The following EPHA5 variants were observed in gnomAD, a reference collection of about 807,000 sequenced individuals.
EPHA5 encodes the protein EPH receptor A5.
In EPHA5, 60 loss-of-function variants were observed where a neutral mutation model predicts 105.0. The ratio of observed to expected loss-of-function variants is 0.57; its 90% CI spans 0.46 to 0.71. The LOEUF (loss-of-function observed/expected upper bound fraction) is 0.71, where lower values mean the gene tolerates loss of function less well. Ranked by LOEUF, EPHA5 falls within the 30% of genes least tolerant of loss-of-function variation. The pLI, the probability that EPHA5 is intolerant of heterozygous loss-of-function variation, is 0.00. For synonymous variants in EPHA5, 513 were observed against 449.1 expected (o/e 1.14, Z -1.80); for missense variants, 1,218 against 1,274.7 (o/e 0.96, Z 0.68).
chr4:65,375,880 G>A (rs759427191), intron 8 of EPHA5, among the ~76,000 whole-genome samples: 6 of 151,532 alleles, frequency 4.0e-5, no homozygotes, highest in Non-Finnish European at 7.4e-5. Flanking sequence ...TGACACTGAA[G>A]CCCCATGCTC....
At chr4:65,609,609 TA>T (rs1464424380) in intron 2 of EPHA5, among the ~76,000 whole-genome samples, 1 of 85,106 alleles carries the variant, frequency 1.2e-5, no homozygotes, top group African/African-American at 3.1e-5. Flanking sequence ...GCAAGCTAGA[TA>T]TTTTTTTTTC....
At chr4:65,534,125 T>C (rs942323634) in intron 3 of EPHA5, among the ~76,000 whole-genome samples, 1 of 152,178 alleles carries the variant, frequency 6.6e-6, no homozygotes, top group Non-Finnish European at 1.5e-5. Context: ...CTGGACAATG[T>C]ATGAATGGCT....
At position 65,490,653 on chromosome 4, in the gene EPHA5, C is replaced by T. The variant is rs2149214198; in HGVS notation, c.1126G>A (p.Glu376Lys). 3.7e-6 allele frequency: 6 copies of T among 1,614,070 alleles called. No individual in the cohort carries two copies. The highest frequency in any genetic ancestry group is 5.1e-6 in the Non-Finnish European group (6 of 1,180,010). The change falls in exon 5 of 17, where the codon GAA (glutamate) becomes AAA (lysine). Residue 376 changes from glutamate (E) to lysine (K), a missense_variant. Transcript: ENST00000613740. ...SNVNETSVFL[E>K]WIPPADTGGR... The stretch of plus-strand genomic sequence containing the variant: ...CCAGTGTCAGCAGGCGGAATCCATT[C>T]CAGAAAGACACTAGTTTCATTAACA...
chr4:65,330,652 A>G, intron 16 of EPHA5: 1 of 639,136 alleles, frequency 1.6e-6, no homozygotes, highest in Non-Finnish European at 2.0e-6. Flanking sequence ...ATGACAAATG[A>G]CTTTAATAAA....
intron 5 of EPHA5, among the ~76,000 whole-genome samples, chr4:65,432,287 T>C (rs1725050336): frequency 6.6e-6 from 1 of 152,156 alleles, no homozygotes; most frequent in African/African-American, 2.4e-5. Context: ...AATGGCTGTA[T>C]AGAATTGACT....
intron 3 of EPHA5, among the ~76,000 whole-genome samples, chr4:65,539,776 TG>T (rs1275626815): frequency 6.6e-6 from 1 of 151,628 alleles, no homozygotes. Flanking sequence ...TTGTTATTGC[TG>T]TTACTATGAG....
chr4:65,640,275 GTTTTTTC>G (rs1747525835), intron 2 of EPHA5, among the ~76,000 whole-genome samples: 1 of 130,192 alleles, frequency 7.7e-6, no homozygotes, highest in East Asian at 2.3e-4. Flanking sequence ...TCATTGCTCA[GTTTTTTC>G]TTTTTTTTTT....
At chr4:65,499,829 C>CT (rs11327571) in intron 3 of EPHA5, among the ~76,000 whole-genome samples, 27,937 of 146,406 alleles carry the variant, frequency 0.19, 3,187 homozygotes, top group Middle Eastern at 0.33. Context: ...AATGTATAAT[C>CT]TTTTTTTTTT....
At chr4:65,633,837 G>A (rs1015142248) in intron 2 of EPHA5, among the ~76,000 whole-genome samples, 4 of 151,928 alleles carry the variant, frequency 2.6e-5, no homozygotes, top group South Asian at 2.1e-4. Context: ...TTTGCTTCCC[G>A]CCTGTTTTAC....
chr4:65,490,725 G>T lies in EPHA5; in HGVS notation c.1067-13C>A, dbSNP rs1731324682. The stretch of plus-strand genomic sequence containing the variant: ...GCAGAGGGGGGTCCTGGTTTACAAA[G>T]TAAAGTAAGAAAAACATATTTTAAG... On this transcript the variant is annotated splice_polypyrimidine_tract_variant and intron_variant, in intron 4 of 16. Transcript: ENST00000613740. 2 of 1,607,772 alleles carry T rather than the reference G, an allele frequency of 1.2e-6. No homozygotes were observed. The highest frequency in any genetic ancestry group is 8.5e-7 in the Non-Finnish European group (1 of 1,175,526).
chr4:65,550,708 C>A (rs182956930), intron 3 of EPHA5, among the ~76,000 whole-genome samples: 3 of 151,982 alleles, frequency 2.0e-5, no homozygotes, highest in African/African-American at 4.8e-5. Context: ...TGGTGGCGCG[C>A]GCCTATAGTC....
At chr4:65,557,233 G>GATATATATATATATATTT (rs1738540304) in intron 3 of EPHA5, among the ~76,000 whole-genome samples, 1 of 90,944 alleles carries the variant, frequency 1.1e-5, no homozygotes, top group Admixed American at 1.3e-4. Flanking sequence ...TTTATACTGG[G>GATATATATATATATATTT]ATATATATAT....
intron 2 of EPHA5, among the ~76,000 whole-genome samples, chr4:65,639,602 T>A (rs1287433221): frequency 6.6e-6 from 1 of 152,208 alleles, no homozygotes; most frequent in East Asian, 1.9e-4. Context: ...TTTGCTGAGT[T>A]TCCTGAATGT....
At chr4:65,527,193 T>C (rs1050946232) in intron 3 of EPHA5, among the ~76,000 whole-genome samples, 1 of 152,252 alleles carries the variant, frequency 6.6e-6, no homozygotes, top group Non-Finnish European at 1.5e-5. Context: ...TGTTGAGCCA[T>C]ATATTAAAAT....
intron 2 of EPHA5, among the ~76,000 whole-genome samples, chr4:65,613,892 G>A (rs946223601): frequency 6.6e-6 from 1 of 151,874 alleles, no homozygotes; most frequent in Non-Finnish European, 1.5e-5. Context: ...GTTTACAATA[G>A]GGATTGACTA....
chr4:65,576,940 G>A (rs183647610), intron 3 of EPHA5, among the ~76,000 whole-genome samples: 2 of 152,008 alleles, frequency 1.3e-5, no homozygotes, highest in Non-Finnish European at 2.9e-5. Context: ...CAGTTTGAGT[G>A]ACATTTTCTC....
At chr4:65,392,289 A>G (rs916728647) in intron 8 of EPHA5, among the ~76,000 whole-genome samples, 2 of 152,164 alleles carry the variant, frequency 1.3e-5, no homozygotes, top group Admixed American at 6.6e-5. Context: ...GATTTTTTCC[A>G]GTTTTACAAA....
At chr4:65,653,101 A>T (rs2149532016) in intron 1 of EPHA5, among the ~76,000 whole-genome samples, 1 of 152,220 alleles carries the variant, frequency 6.6e-6, no homozygotes, top group Non-Finnish European at 1.5e-5. Flanking sequence ...TAAGTGAATT[A>T]TACCAAACTT....
intron 8 of EPHA5, among the ~76,000 whole-genome samples, chr4:65,390,000 T>C (rs892280575): frequency 6.6e-6 from 1 of 152,062 alleles, no homozygotes; most frequent in Non-Finnish European, 1.5e-5. Context: ...CTTTCAACTA[T>C]ATTTCTTGGC....
Sources: allele counts gnomAD v4.1 joint callset (sites outside exome capture counted in the v4.1 genomes callset), GRCh38; gene constraint gnomAD v4.1.1; transcripts MANE v1.5; gene names NCBI Gene and HGNC (gene_info 2026-07-23, HGNC 2026-07-21).